The following COP1 variants were observed in gnomAD, a reference collection of about 807,000 sequenced individuals.
The protein encoded by COP1 is E3 ubiquitin-protein ligase COP1.
In COP1, 24 loss-of-function variants were observed where a neutral mutation model predicts 101.3. The ratio of observed to expected loss-of-function variants is 0.24; its 90% confidence interval spans 0.17 to 0.33. COP1 has a LOEUF of 0.33. Among genes scored for constraint, COP1 ranks in the 10% least tolerant of loss-of-function variants. COP1 has a pLI of 1.00. For missense variants in COP1, 663 were observed against 906.2 expected, an observed-to-expected ratio of 0.73 and a Z score of 3.45; for synonymous variants, 347 against 341.9, an observed-to-expected ratio of 1.01 and a Z score of -0.17.
intron 18 of COP1, among the ~76,000 whole-genome samples, chr1:175,966,238 C>G (rs1361818014): frequency 6.6e-6 from 1 of 151,618 alleles, no homozygotes; most frequent in East Asian, 1.9e-4. Flanking sequence ...ATAAAAAATC[C>G]AAGGGGGTTG....
chr1:175,951,056 A>C (rs1467879197), intron 18 of COP1, among the ~76,000 whole-genome samples: 1 of 151,706 alleles, frequency 6.6e-6, no homozygotes, highest in Non-Finnish European at 1.5e-5. Context: ...GACCAGCCTG[A>C]CCAACATGGA....
chr1:176,133,998 C>T, intron 8 of COP1: 3 of 394,846 alleles, frequency 7.6e-6, no homozygotes, highest in East Asian at 1.4e-4. Context: ...GCTAAAATAA[C>T]ACCAGAATTA....
chr1:176,113,947 T>TG (rs1685725594), intron 9 of COP1, among the ~76,000 whole-genome samples: 2 of 150,290 alleles, frequency 1.3e-5, no homozygotes, highest in African/African-American at 2.5e-5. Context: ...AGGGTAGGGT[T>TG]TTTTTTTTTT....
intron 6 of COP1, among the ~76,000 whole-genome samples, chr1:176,139,273 C>CAGAAACAAAA (rs1690270873): frequency 1.7e-5 from 2 of 116,300 alleles, no homozygotes; most frequent in African/African-American, 4.2e-5. Context: ...AGTGAAAAAA[C>CAGAAACAAAA]AAAAACAAAA....
intron 11 of COP1, among the ~76,000 whole-genome samples, chr1:176,046,633 G>A (rs1327225640): frequency 2.0e-5 from 3 of 151,942 alleles, no homozygotes; most frequent in African/African-American, 4.8e-5. Flanking sequence ...AAGATTTAAT[G>A]GCGTGAATCA....
intron 8 of COP1, among the ~76,000 whole-genome samples, chr1:176,117,670 G>A (rs931873428): frequency 5.9e-5 from 9 of 152,146 alleles, no homozygotes; most frequent in African/African-American, 9.7e-5. Context: ...CAAGGCGGGC[G>A]GATCACCTGA....
At position 176,206,954 on chromosome 1, in the gene COP1, A is replaced by G; in HGVS notation, c.25T>C (p.Ser9Pro). 6.9e-7 allele frequency: 1 copy of G among 1,439,980 alleles called. No homozygotes were observed. The allele number at this position is 1,439,980 out of a possible 1,614,324, so 89.2% of individuals were successfully genotyped here. The change falls in exon 1 of 20, where the codon TCG becomes CCG. Residue 9 changes from serine to proline, a missense_variant. By Grantham distance (74) the Ser-to-Pro change is moderately conservative. Coordinates refer to ENST00000367669, the MANE Select transcript of COP1 (RefSeq NM_022457.7). ...CCGGGGCTTGTCCCAGCGGAGCCCG[A>G]CCCGGCCTGGCGGCTACCAGACATC... MSGSRQAG[S>P]GSAGTSPGSS...
intron 1 of COP1, among the ~76,000 whole-genome samples, chr1:176,203,290 T>C (rs1700474684): frequency 1.3e-5 from 2 of 151,962 alleles, no homozygotes; most frequent in African/African-American, 4.8e-5. Flanking sequence ...TGAGCCGAGA[T>C]CGCACCACTG....
intron 5 of COP1, chr1:176,160,281 T>TG: frequency 2.6e-6 from 1 of 390,782 alleles, no homozygotes; most frequent in East Asian, 8.0e-5. Flanking sequence ...TTTTTTTTTT[T>TG]TTACTTTAAG....
intron 11 of COP1, among the ~76,000 whole-genome samples, chr1:176,066,556 C>T (rs1676007522): frequency 6.6e-6 from 1 of 152,106 alleles, no homozygotes; most frequent in Admixed American, 6.5e-5. Flanking sequence ...CCTCTCAATC[C>T]TACAAAATGT....
intron 18 of COP1, among the ~76,000 whole-genome samples, chr1:175,951,691 A>G (rs1300810579): frequency 1.3e-5 from 2 of 151,966 alleles, no homozygotes; most frequent in African/African-American, 2.4e-5. Context: ...GGACATAACA[A>G]CAGATGAGAC....
chr1:176,090,196 A>G (rs1248836664), intron 9 of COP1, among the ~76,000 whole-genome samples: 1 of 152,104 alleles, frequency 6.6e-6, no homozygotes, highest in Non-Finnish European at 1.5e-5. Flanking sequence ...CTGTAAGCCA[A>G]TCCCTGTTCC....
intron 3 of COP1, among the ~76,000 whole-genome samples, chr1:176,170,221 A>C (rs1170397717): frequency 6.6e-6 from 1 of 152,148 alleles, no homozygotes; most frequent in Admixed American, 6.5e-5. Context: ...AACTCCTTTT[A>C]ATGTTGATAT....
intron 18 of COP1, among the ~76,000 whole-genome samples, chr1:175,986,572 C>T (rs1249750909): frequency 1.3e-5 from 2 of 152,102 alleles, no homozygotes; most frequent in South Asian, 2.1e-4. Context: ...TATTAAAATA[C>T]CAGCTCAGCT....
Position 175,989,442 on chromosome 1 carries a change from T to C in COP1, c.1767A>G (p.Lys589=), listed in dbSNP as rs111531372. Residue 589 remains lysine (K), a synonymous_variant, in exon 16 of 20, where the codon AAA becomes AAG. Transcript: ENST00000367669. ...CVHYYDLRNT[K]QPIMVFKGHR... Reference sequence around the variant, plus strand: ...GTCCTTTGAATACCATGATTGGCTGTTTAGTGTTACGAAGATCATAGTAGT... The same window carrying C: ...GTCCTTTGAATACCATGATTGGCTGCTTAGTGTTACGAAGATCATAGTAGT... The C allele has an allele frequency of 5.1e-4, 816 of 1,607,570 alleles. 5 individuals are homozygous for C. The African/African-American group carries it at 9.4e-3, about 19-fold the overall frequency.
At chr1:176,187,369 C>A (rs780013808) in intron 1 of COP1, among the ~76,000 whole-genome samples, 1 of 149,482 alleles carries the variant, frequency 6.7e-6, no homozygotes, top group South Asian at 2.1e-4. Flanking sequence ...TATATACACA[C>A]TATATACACA....
intron 8 of COP1, among the ~76,000 whole-genome samples, chr1:176,127,561 CTG>C (rs71129555): frequency 0.024 from 3,575 of 148,232 alleles, 58 homozygotes; most frequent in African/African-American, 0.029. Context: ...TAGTATTCTA[CTG>C]TGTGTGTGTG....
In COP1 at chr1:176,046,150, C is replaced by T. The variant is rs777681605; in HGVS notation, c.1421+31G>A. 2.2e-5 allele frequency: 35 copies of T among 1,559,918 alleles called. 1 individual carries two copies. Among genetic ancestry groups the T allele is most frequent in the South Asian group, 2.0e-4 (17 of 85,826 alleles). ...ACATATGCAAATTGTTACATCTATACTGCATCATGTCAAGAAAATAATGTA... is the reference window on the plus strand; with the variant it reads ...ACATATGCAAATTGTTACATCTATATTGCATCATGTCAAGAAAATAATGTA... On this transcript the variant is annotated intron_variant, in intron 12 of 19. Coordinates refer to ENST00000367669, the MANE Select transcript of COP1 (RefSeq NM_022457.7).
chr1:176,106,143 GC>G (rs1172290625), intron 9 of COP1, among the ~76,000 whole-genome samples: 1 of 152,084 alleles, frequency 6.6e-6, no homozygotes, highest in Non-Finnish European at 1.5e-5. Flanking sequence ...TGATTCTTCT[GC>G]CTCAGCATCC....
Sources: gnomAD v4.1 joint callset for allele counts (sites outside exome capture counted in the v4.1 genomes callset) on GRCh38, gnomAD v4.1.1 for gene constraint, MANE v1.5 for transcripts, NCBI Gene and HGNC (gene_info 2026-07-23, HGNC 2026-07-21) for gene names.